NOS1AP: variants seen among roughly 807,000 people sequenced by gnomAD.
NOS1AP encodes carboxyl-terminal PDZ ligand of neuronal nitric oxide synthase protein.
NOS1AP carries 21 observed loss-of-function variants against 56.2 expected under a neutral mutation model. That is an observed-to-expected ratio of 0.37 (90% CI 0.26 to 0.54). The LOEUF (loss-of-function observed/expected upper bound fraction) is 0.54. NOS1AP is among the 20% of genes least tolerant of loss of function. The pLI is 0.84. For missense variants in NOS1AP, 522 were observed against 657.8 expected (o/e 0.79, Z 2.26); for synonymous variants, 270 against 274.6 (o/e 0.98, Z 0.17).
intron 6 of NOS1AP, among the ~76,000 whole-genome samples, chr1:162,349,467 G>A (rs571962026): frequency 1.3e-5 from 2 of 152,306 alleles, no homozygotes; most frequent in East Asian, 3.9e-4. Flanking sequence ...GAGCCACTGA[G>A]GGTTTGGGTT....
chr1:162,221,548 A>G (rs1019023654), intron 2 of NOS1AP, among the ~76,000 whole-genome samples: 3 of 151,084 alleles, frequency 2.0e-5, no homozygotes, highest in East Asian at 1.9e-4. Context: ...ACACACACAC[A>G]CACACACACA....
intron 2 of NOS1AP, among the ~76,000 whole-genome samples, chr1:162,215,072 C>T (rs954455145): frequency 8.5e-5 from 13 of 152,304 alleles, no homozygotes; most frequent in East Asian, 1.9e-4. Flanking sequence ...CTGCATTCTC[C>T]GCGAAGCTTC....
chr1:162,367,343 A>G lies in NOS1AP; in HGVS notation c.1397A>G (p.Tyr466Cys). ...KFRESGIASE[Y>C]ESNTDESEER... ...CGAGAGTCAGGCATCGCCTCGGAGTACGAGTCCAACACGGACGAGAGCGAG... is the reference window on the plus strand; with the variant it reads ...CGAGAGTCAGGCATCGCCTCGGAGTGCGAGTCCAACACGGACGAGAGCGAG... The change falls in exon 10 of 10, where the codon TAC becomes TGC. Residue 466 changes from tyrosine (Y) to cysteine (C), a missense_variant. Physicochemically the swap from Tyr to Cys is radical, Grantham distance 194. This residue lies in a region of NOS1AP where 160 missense variants were observed against 180.3 expected (regional missense o/e 0.89). Transcript: ENST00000361897. This position sits in a 1 kb window ranked among gnomAD's most constrained non-coding sequence, Gnocchi z 6.5. The G allele has an allele frequency of 6.2e-7, 1 of 1,613,126 alleles. No homozygotes were observed. Among genetic ancestry groups the G allele is most frequent in the East Asian group, 2.2e-5 (1 of 44,866 alleles).
At chr1:162,356,226 T>C (rs1054288107) in intron 7 of NOS1AP, among the ~76,000 whole-genome samples, 1 of 152,156 alleles carries the variant, frequency 6.6e-6, no homozygotes, top group African/African-American at 2.4e-5. Context: ...ACAGCAGAAC[T>C]GCCAGAAACA....
chr1:162,158,366 A>G (rs548443936), intron 2 of NOS1AP, among the ~76,000 whole-genome samples: 57 of 152,320 alleles, frequency 3.7e-4, no homozygotes, highest in Non-Finnish European at 6.6e-4. Flanking sequence ...GTGTATATAT[A>G]CCACATTAAA....
intron 2 of NOS1AP, among the ~76,000 whole-genome samples, chr1:162,222,749 A>G (rs1652823167): frequency 6.6e-6 from 1 of 152,202 alleles, no homozygotes; most frequent in African/African-American, 2.4e-5. Context: ...TATGTTGGCC[A>G]TGATGAGAGC....
rs1654232659 is a variant in NOS1AP at position 162,261,522 on chromosome 1, GAGAGAGAGAGAGAGAGAGAGAGA to G, written c.178-25821_178-25799del. 1.2e-4 allele frequency among the ~76,000 whole-genome samples: 4 copies of G among 34,654 alleles called. 1 individual carries two copies. The highest frequency in any genetic ancestry group is 3.6e-4 in the African/African-American group (4 of 11,188). 22.7% of individuals were successfully genotyped at this position (34,654 alleles called of 152,430 possible). On this transcript the variant is annotated intron_variant, in intron 2 of 9. Transcript: ENST00000361897. ...AGAGAGAGAGAGAGAGAGAGAGAGA[GAGAGAGAGAGAGAGAGAGAGAGA>G]GCAATGAAATGACTGGAACAGAGGA... is the stretch of plus-strand genomic sequence containing the variant.
intron 4 of NOS1AP, among the ~76,000 whole-genome samples, chr1:162,328,377 G>T (rs899167202): frequency 6.6e-6 from 1 of 152,136 alleles, no homozygotes; most frequent in Non-Finnish European, 1.5e-5. Flanking sequence ...ATAAACTTAA[G>T]AAAGGAGTAA....
In NOS1AP at chr1:162,089,942, T is replaced by C. The variant is rs114675822; in HGVS notation, c.105+19660T>C. 2.9e-3 allele frequency among the ~76,000 whole-genome samples: 439 copies of C among 152,354 alleles called. 3 individuals carry two copies. The highest frequency in any genetic ancestry group is 9.9e-3 in the African/African-American group (411 of 41,586). ...AAGCCTGTAGCTTTGTCATAGTTTG[T>C]TATAGCAGCCCTAGTTAACTAATAC... On this transcript the variant is annotated intron_variant, in intron 1 of 9. Transcript: ENST00000361897.
chr1:162,258,019 T>C lies in NOS1AP; in HGVS notation c.178-29325T>C, dbSNP rs573519622. On this transcript the variant is annotated intron_variant, in intron 2 of 9. Coordinates refer to ENST00000361897, the MANE Select transcript of NOS1AP (RefSeq NM_014697.3). ...GCCATAAATTGTCTCTTGGCTAAAT[T>C]TTGAGCCTTATTTCTGATAATTCTC... Among the ~76,000 whole-genome samples, 3 of 152,314 alleles carry C rather than the reference T, an allele frequency of 2.0e-5. No individual in the cohort carries two copies. In the East Asian group the frequency reaches 5.8e-4, roughly 29 times the overall value.
At chr1:162,141,182 G>A (rs1649221860) in intron 1 of NOS1AP, among the ~76,000 whole-genome samples, 1 of 152,100 alleles carries the variant, frequency 6.6e-6, no homozygotes, top group Non-Finnish European at 1.5e-5. Context: ...TTCCCTACAT[G>A]GTCTCATTTA....
At chr1:162,271,483 C>T (rs1654581798) in intron 2 of NOS1AP, among the ~76,000 whole-genome samples, 1 of 152,158 alleles carries the variant, frequency 6.6e-6, no homozygotes, top group South Asian at 2.1e-4. Flanking sequence ...TTATAAAAGG[C>T]CACTGTGTAA....
Position 162,086,958 on chromosome 1 carries a change from C to T in NOS1AP, c.105+16676C>T, listed in dbSNP as rs561210464. ...GTTAGCTCAGCAAATACTAGTTTCT[C>T]ACCCTCGTCCAACTGTACCTGTGTG... On this transcript the variant is annotated intron_variant, in intron 1 of 9. Coordinates refer to ENST00000361897, the MANE Select transcript of NOS1AP (RefSeq NM_014697.3). 2.6e-5 allele frequency among the ~76,000 whole-genome samples: 4 copies of T among 152,298 alleles called. No homozygotes were observed. The East Asian group carries it at 5.8e-4, about 22-fold the overall frequency.
intron 8 of NOS1AP, chr1:162,364,616 G>A (rs960841952): frequency 7.1e-6 from 7 of 985,378 alleles, no homozygotes; most frequent in Non-Finnish European, 8.4e-6. Context: ...ACTGATGAGG[G>A]TGCCACAAAT....
intron 2 of NOS1AP, among the ~76,000 whole-genome samples, chr1:162,240,898 T>G (rs1653469943): frequency 1.3e-5 from 2 of 152,128 alleles, no homozygotes; most frequent in Admixed American, 6.6e-5. Context: ...ATGGTCACAG[T>G]GGAGTAGGAT....
At chr1:162,090,331 A>T (rs1446432082) in intron 1 of NOS1AP, among the ~76,000 whole-genome samples, 5 of 151,400 alleles carry the variant, frequency 3.3e-5, no homozygotes, top group Admixed American at 3.3e-4. Context: ...TATAATTTGT[A>T]TACAGTTAAA....
intron 1 of NOS1AP, among the ~76,000 whole-genome samples, chr1:162,089,367 G>T (rs1277217303): frequency 6.6e-6 from 1 of 152,032 alleles, no homozygotes; most frequent in Non-Finnish European, 1.5e-5. Context: ...ACACAATTAG[G>T]AATCTCAGAA....
chr1:162,249,202 G>A (rs1653771325), intron 2 of NOS1AP, among the ~76,000 whole-genome samples: 2 of 152,292 alleles, frequency 1.3e-5, no homozygotes, highest in South Asian at 4.1e-4. Context: ...GGGACCTGGA[G>A]TGCTTTTCTC....
rs72713886 is a variant in NOS1AP, at chr1:162,123,234, T to C, written c.106-31171T>C. The stretch of plus-strand genomic sequence containing the variant: ...CTAACATAGTATATTCAGAGATGTC[T>C]ACTCTCAGCTCACTGCAACTTCTGC... On this transcript the variant is annotated intron_variant, in intron 1 of 9. Coordinates refer to ENST00000361897, the MANE Select transcript of NOS1AP (RefSeq NM_014697.3). Among the ~76,000 whole-genome samples the C allele has an allele frequency of 8.6e-3, 1,304 of 152,350 alleles. 11 individuals are homozygous for C. The highest frequency in any genetic ancestry group is 0.022 in the South Asian group (107 of 4,826).
Sources: allele counts gnomAD v4.1 joint callset (sites outside exome capture counted in the v4.1 genomes callset), GRCh38; gene constraint gnomAD v4.1.1; regional missense constraint gnomAD v4.1.1; non-coding constraint Gnocchi (gnomAD v3.1); transcripts MANE v1.5; gene names NCBI Gene and HGNC (gene_info 2026-07-23, HGNC 2026-07-21).